TRIM26: variants seen among roughly 807,000 people sequenced by gnomAD.
TRIM26 encodes tripartite motif-containing protein 26.
In TRIM26, 16 loss-of-function variants were observed where a neutral mutation model predicts 45.5. The observed-to-expected ratio is 0.35, with a 90% CI of 0.24 to 0.53. The LOEUF is 0.53. Ranked by LOEUF, TRIM26 falls within the 20% of genes least tolerant of loss-of-function variation. The pLI is 0.92. For missense variants in TRIM26, 442 were observed against 691.1 expected (o/e 0.64, Z 4.04); for synonymous variants, 273 against 290.4 (o/e 0.94, Z 0.61).
chr6:30,189,073 G>A lies in TRIM26; in HGVS notation c.937+94C>T. On this transcript the variant is annotated intron_variant, in intron 9 of 9. Transcript: ENST00000454678. The surrounding 1 kb of genome is among the most constrained non-coding windows in gnomAD (Gnocchi z 5.0). ...TGGGAAATTCTTCCTGTTGCAAAAG[G>A]GGCTACCTGGGGGAAAAGTGAGCAG... is the stretch of plus-strand genomic sequence containing the variant. The A allele has an allele frequency of 7.2e-7, 1 of 1,397,284 alleles. No individual in the cohort carries two copies. The highest frequency in any genetic ancestry group is 9.8e-7 in the Non-Finnish European group (1 of 1,017,980). 86.6% of individuals were successfully genotyped at this position (1,397,284 alleles called of 1,614,324 possible).
chr6:30,195,169 C>G (rs914940531), intron 6 of TRIM26, among the ~76,000 whole-genome samples: 14 of 152,092 alleles, frequency 9.2e-5, no homozygotes, highest in African/African-American at 3.1e-4. Context: ...CCCCTCCGGG[C>G]AAACACAATG....
In TRIM26 at chr6:30,189,946, C is replaced by T; in HGVS notation, c.788+67G>A. 1 of 1,594,832 alleles carries T rather than the reference C, an allele frequency of 6.3e-7. No individual in the cohort carries two copies. Among genetic ancestry groups the T allele is most frequent in the Non-Finnish European group, 8.6e-7 (1 of 1,163,854 alleles). ...ACCACTCCCCATGAATTCAAATGCA[C>T]CTGGTCAGAAGCGGGGGAACATAAA... On this transcript the variant is annotated intron_variant, in intron 7 of 9. Coordinates refer to ENST00000454678, the MANE Select transcript of TRIM26 (RefSeq NM_003449.5). This position sits in a 1 kb window ranked among gnomAD's most constrained non-coding sequence, Gnocchi z 5.0.
In TRIM26 at chr6:30,199,213, G is replaced by T; in HGVS notation, c.-110C>A. 9.6e-7 allele frequency: 1 copy of T among 1,045,658 alleles called. No individual in the cohort carries two copies. Among genetic ancestry groups the T allele is most frequent in the Non-Finnish European group, 1.4e-6 (1 of 739,134 alleles). The allele number at this position is 1,045,658 out of a possible 1,614,324, so 64.8% of individuals were successfully genotyped here. A position where few individuals can be genotyped will look rare whatever the true frequency, so the allele number is the denominator to read the frequency against. ...AGTAAAGGGGCAAAGGTGGCAGCCT[G>T]CACAGGGCTGCCAGCTCCAGCACTC... On this transcript the variant is annotated 5_prime_UTR_variant, in exon 4 of 10. Coordinates refer to ENST00000454678, the MANE Select transcript of TRIM26 (RefSeq NM_003449.5).
At chr6:30,191,842 C>T (rs1023628105) in intron 6 of TRIM26, among the ~76,000 whole-genome samples, 1 of 152,232 alleles carries the variant, frequency 6.6e-6, no homozygotes, top group Non-Finnish European at 1.5e-5. Context: ...GGCAACAAAA[C>T]AGACAGTGTG....
Position 30,198,454 on chromosome 6 carries a change from C to T in TRIM26, c.509G>A (p.Gly170Glu), listed in dbSNP as rs1776724556. 6.2e-7 allele frequency: 1 copy of T among 1,613,002 alleles called. No homozygotes were observed. Among genetic ancestry groups the T allele is most frequent in the African/African-American group, 1.3e-5 (1 of 74,932 alleles). ...CAGCGCGGCCAGGATATCAGCTTCT[C>T]CCTTTGCCTGGAAGCCCTGAATTTT... ...RDKIQGFQAK[G>E]EADILAALKK... The change falls in exon 5 of 10, where the codon GGA becomes GAA. Residue 170 changes from glycine to glutamate, a missense_variant. Coordinates refer to ENST00000454678, the MANE Select transcript of TRIM26 (RefSeq NM_003449.5). This position sits in a 1 kb window ranked among gnomAD's most constrained non-coding sequence, Gnocchi z 6.3.
rs1777833538 is a variant in TRIM26, at chr6:30,207,415, T to C, written c.-375-2650A>G. On this transcript the variant is annotated intron_variant, in intron 1 of 9. Transcript: ENST00000454678. The surrounding 1 kb of genome is among the most constrained non-coding windows in gnomAD (Gnocchi z 4.9). The stretch of plus-strand genomic sequence containing the variant: ...TTTAGAAGCTGAAATCAGATCCAAC[T>C]GTGGGATCATCAAACCCTCAAGGGT... Among the ~76,000 whole-genome samples, 1 of 152,184 alleles carries C rather than the reference T, an allele frequency of 6.6e-6. No individual in the cohort carries two copies. The highest frequency in any genetic ancestry group is 1.5e-5 in the Non-Finnish European group (1 of 68,032).
rs1373034581 is a variant in TRIM26, at chr6:30,198,959, T to C, written c.145A>G (p.Ser49Gly). Residue 49 changes from serine to glycine, a missense_variant, in exon 4 of 10, where the codon AGC (serine) becomes GGC (glycine). Ser to Gly is a moderately conservative substitution (Grantham distance 56). Transcript: ENST00000454678. The surrounding 1 kb of genome is among the most constrained non-coding windows in gnomAD (Gnocchi z 6.3). ...CTTDVRPISGSRPVCPLCKKP... is the reference protein window; with the variant it reads ...CTTDVRPISGGRPVCPLCKKP... ...TTGCAGAGTGGGCAGACGGGGCGGC[T>C]CCCTGAGATGGGGCGGACGTCTGTG... 1 of 1,612,602 alleles carries C rather than the reference T, an allele frequency of 6.2e-7. No homozygotes were observed. The highest frequency in any genetic ancestry group is 8.5e-7 in the Non-Finnish European group (1 of 1,179,848).
Position 30,198,297 on chromosome 6 carries a change from C to T in TRIM26, c.534+132G>A. 1 of 932,424 alleles carries T rather than the reference C, an allele frequency of 1.1e-6. No individual in the cohort carries two copies. The highest frequency in any genetic ancestry group is 1.7e-6 in the Non-Finnish European group (1 of 601,016). 57.8% of individuals were successfully genotyped at this position (932,424 alleles called of 1,614,324 possible). A position where few individuals can be genotyped will look rare whatever the true frequency, so the allele number is the denominator to read the frequency against. ...CTTGGGCTAAAACCCAGGTCTGCTACTGCCAGGCTGACACCCATCCTCCCT... is the reference window on the plus strand; with the variant it reads ...CTTGGGCTAAAACCCAGGTCTGCTATTGCCAGGCTGACACCCATCCTCCCT... On this transcript the variant is annotated intron_variant, in intron 5 of 9. Transcript: ENST00000454678. The surrounding 1 kb of genome is among the most constrained non-coding windows in gnomAD (Gnocchi z 6.3).
intron 6 of TRIM26, among the ~76,000 whole-genome samples, chr6:30,191,496 A>G (rs766157802): frequency 1.3e-5 from 2 of 151,300 alleles, no homozygotes; most frequent in Non-Finnish European, 3.0e-5. Context: ...TAATCAATGT[A>G]GCAAATACAT....
rs985484683 is a variant in TRIM26 at position 30,185,144 on chromosome 6, T to C, written c.*732A>G. On this transcript the variant is annotated 3_prime_UTR_variant, in exon 10 of 10. Coordinates refer to ENST00000454678, the MANE Select transcript of TRIM26 (RefSeq NM_003449.5). This position sits in a 1 kb window ranked among gnomAD's most constrained non-coding sequence, Gnocchi z 5.7. ...CTCACAAGGACCAATCTAGAGATAA[T>C]TTATTGATCAGTGATCACAGCTTGT... is the stretch of plus-strand genomic sequence containing the variant. 2.6e-5 allele frequency: 4 copies of C among 152,168 alleles called. No homozygotes were observed. The highest frequency in any genetic ancestry group is 2.1e-4 in the South Asian group (1 of 4,830). 9.4% of individuals were successfully genotyped at this position (152,168 alleles called of 1,614,324 possible).
chr6:30,189,521 C>T lies in TRIM26; in HGVS notation c.801G>A (p.Lys267=), dbSNP rs748508568. The T allele has an allele frequency of 1.9e-6, 3 of 1,612,984 alleles. No individual in the cohort carries two copies. In the South Asian group the frequency reaches 3.3e-5, roughly 18 times the overall value. The change falls in exon 8 of 10, where the codon AAG becomes AAA. Residue 267 remains lysine (K), a synonymous_variant. Transcript: ENST00000454678. This position sits in a 1 kb window ranked among gnomAD's most constrained non-coding sequence, Gnocchi z 5.0. The part of the protein sequence containing the change: ...TRDFLNRYPR[K]KFWVGKPIAR... ...CAATGGGTTTCCCAACCCAGAACTTCTTCCGTGGATACCTAAGAAGATGAC... is the reference window on the plus strand; with the variant it reads ...CAATGGGTTTCCCAACCCAGAACTTTTTCCGTGGATACCTAAGAAGATGAC...
Position 30,190,286 on chromosome 6 carries a change from G to A in TRIM26, c.766-251C>T. 1 of 583,906 alleles carries A rather than the reference G, an allele frequency of 1.7e-6. No homozygotes were observed. 36.2% of individuals were successfully genotyped at this position (583,906 alleles called of 1,614,324 possible). ...AACCTCTCTGGGAGATACCTGCGCAGAGAATTGACGGATAAGAAGTACTGG... is the reference window on the plus strand; with the variant it reads ...AACCTCTCTGGGAGATACCTGCGCAAAGAATTGACGGATAAGAAGTACTGG... On this transcript the variant is annotated intron_variant, in intron 6 of 9. Transcript: ENST00000454678. This position sits in a 1 kb window ranked among gnomAD's most constrained non-coding sequence, Gnocchi z 4.3.
chr6:30,187,417 T>C (rs1400081650), intron 9 of TRIM26: 3 of 458,044 alleles, frequency 6.5e-6, no homozygotes, highest in Admixed American at 4.6e-5. Context: ...TGTCCATTTG[T>C]TCCTCTGATC....
At position 30,189,156 on chromosome 6, in the gene TRIM26, T is replaced by C; in HGVS notation, c.937+11A>G. The stretch of plus-strand genomic sequence containing the variant: ...TGATGTACATCTGGGAAACACCCTC[T>C]AGACACTCACCTGTCTTATATTCCA... On this transcript the variant is annotated intron_variant, in intron 9 of 9. Coordinates refer to ENST00000454678, the MANE Select transcript of TRIM26 (RefSeq NM_003449.5). This position sits in a 1 kb window ranked among gnomAD's most constrained non-coding sequence, Gnocchi z 5.0. 6 of 1,612,336 alleles carry C rather than the reference T, an allele frequency of 3.7e-6. No individual in the cohort carries two copies. Among genetic ancestry groups the C allele is most frequent in the Non-Finnish European group, 5.1e-6 (6 of 1,179,842 alleles).
chr6:30,203,381 G>A (rs1014709113), intron 2 of TRIM26, among the ~76,000 whole-genome samples: 3 of 151,712 alleles, frequency 2.0e-5, no homozygotes, highest in Non-Finnish European at 4.4e-5. Flanking sequence ...CTGAGGTTAT[G>A]TATGAGAATG....
Position 30,209,023 on chromosome 6 carries a change from C to T in TRIM26, c.-375-4258G>A, listed in dbSNP as rs1778017207. On this transcript the variant is annotated intron_variant, in intron 1 of 9. Transcript: ENST00000454678. This position sits in a 1 kb window ranked among gnomAD's most constrained non-coding sequence, Gnocchi z 4.8. ...GCCAAGGAATCCTATAGCAGCAGACCAGATATTGTGCTCCTCGACCCAACC... is the reference window on the plus strand; with the variant it reads ...GCCAAGGAATCCTATAGCAGCAGACTAGATATTGTGCTCCTCGACCCAACC... Among the ~76,000 whole-genome samples the T allele has an allele frequency of 6.6e-6, 1 of 151,214 alleles. No homozygotes were observed. The highest frequency in any genetic ancestry group is 6.6e-5 in the Admixed American group (1 of 15,122).
At position 30,198,327 on chromosome 6, in the gene TRIM26, G is replaced by A; in HGVS notation, c.534+102C>T. ...AGGCTGACACCCATCCTCCCTGTGA[G>A]CAGCGCCTAGAAACACCTCCCAGCT... On this transcript the variant is annotated intron_variant, in intron 5 of 9. Coordinates refer to ENST00000454678, the MANE Select transcript of TRIM26 (RefSeq NM_003449.5). This position sits in a 1 kb window ranked among gnomAD's most constrained non-coding sequence, Gnocchi z 6.3. 1 of 1,266,172 alleles carries A rather than the reference G, an allele frequency of 7.9e-7. No homozygotes were observed. The highest frequency in any genetic ancestry group is 1.2e-5 in the South Asian group (1 of 80,446). The allele number at this position is 1,266,172 out of a possible 1,614,324, so 78.4% of individuals were successfully genotyped here.
At chr6:30,192,734 T>C (rs1224258933) in intron 6 of TRIM26, among the ~76,000 whole-genome samples, 1 of 152,106 alleles carries the variant, frequency 6.6e-6, no homozygotes, top group African/African-American at 2.4e-5. Context: ...TTTCTTACTA[T>C]ACTTTGACAG....
At position 30,196,095 on chromosome 6, in the gene TRIM26, G is replaced by A. The variant is rs533633117; in HGVS notation, c.765+421C>T. Among the ~76,000 whole-genome samples, 2 of 152,242 alleles carry A rather than the reference G, an allele frequency of 1.3e-5. No individual in the cohort carries two copies. The highest frequency in any genetic ancestry group is 2.4e-5 in the African/African-American group (1 of 41,530). ...TTACCCTATCTCTTCCAGATCCTCTGGGTCTTTGAGAGGAGCTGCTGGTCA... is the reference window on the plus strand; with the variant it reads ...TTACCCTATCTCTTCCAGATCCTCTAGGTCTTTGAGAGGAGCTGCTGGTCA... On this transcript the variant is annotated intron_variant, in intron 6 of 9. Transcript: ENST00000454678. The surrounding 1 kb of genome is among the most constrained non-coding windows in gnomAD (Gnocchi z 4.9).
Sources: gnomAD v4.1 joint callset for allele counts (sites outside exome capture counted in the v4.1 genomes callset) on GRCh38, gnomAD v4.1.1 for gene constraint, Gnocchi (gnomAD v3.1) non-coding constraint, MANE v1.5 for transcripts, NCBI Gene and HGNC (gene_info 2026-07-23, HGNC 2026-07-21) for gene names.